The following ATP23 variants were observed in gnomAD, a reference collection of about 807,000 sequenced individuals.
ATP23 encodes the protein ATP23 metallopeptidase and ATP synthase assembly factor homolog.
Under a neutral mutation model 28.5 loss-of-function variants are expected in ATP23, and 24 were observed. The ratio of observed to expected loss-of-function variants is 0.84; its 90% CI spans 0.61 to 1.18. ATP23 has a LOEUF of 1.18. Ranked by LOEUF, ATP23 falls within the 50% of genes most tolerant of loss-of-function variation. ATP23 has a pLI of 0.00. For synonymous variants in ATP23, 99 were observed against 108.6 expected (o/e 0.91, Z 0.55); for missense variants, 274 against 306.4 (o/e 0.89, Z 0.79).
In ATP23 at chr12:57,958,264, A is replaced by G. The variant is rs1412243377; in HGVS notation, c.*1374A>G. ...GGAGAGTCTGAGCTCAGACATGTCT[A>G]TCCCTGCCCCGACCTGATGTTCCTT... On this transcript the variant is annotated 3_prime_UTR_variant, in exon 6 of 6. Transcript: ENST00000300145. Among the ~76,000 whole-genome samples, 1 of 152,116 alleles carries G rather than the reference A, an allele frequency of 6.6e-6. No homozygotes were observed. Among genetic ancestry groups the G allele is most frequent in the Non-Finnish European group, 1.5e-5 (1 of 68,012 alleles).
At chr12:57,953,492 TCAGA>T (rs1054015558) in intron 4 of ATP23, 110 bp from the exon 5 acceptor site, 22 of 854,908 alleles carry the variant, frequency 2.6e-5, no homozygotes, top group Middle Eastern at 6.9e-4. Flanking sequence ...TACTCTTTTC[TCAGA>T]CAAAGATGCT....
intron 5 of ATP23, among the ~76,000 whole-genome samples, chr12:57,956,336 A>T (rs1956866252): frequency 6.6e-6 from 1 of 151,970 alleles, no homozygotes; most frequent in African/African-American, 2.4e-5. Flanking sequence ...TCAAAAAGTC[A>T]ATCAGGACTT....
chr12:57,954,321 T>G (rs1180225781), intron 5 of ATP23, among the ~76,000 whole-genome samples: 1 of 152,212 alleles, frequency 6.6e-6, no homozygotes, highest in Non-Finnish European at 1.5e-5. Context: ...TTGACTTCTA[T>G]TTTGAATCTA....
At chr12:57,956,566 G>T in intron 5 of ATP23, 121 bp from the exon 6 acceptor site, 1 of 832,806 alleles carries the variant, frequency 1.2e-6, no homozygotes, top group South Asian at 2.2e-5. Flanking sequence ...TGGAATGACA[G>T]AAATTAGTAA....
In ATP23 at chr12:57,958,645, G is replaced by A. The variant is rs868861529; in HGVS notation, c.*1755G>A. Among the ~76,000 whole-genome samples the A allele has an allele frequency of 1.3e-5, 2 of 152,190 alleles. No homozygotes were observed. Among genetic ancestry groups the A allele is most frequent in the Non-Finnish European group, 2.9e-5 (2 of 68,028 alleles). Reference sequence around the variant, plus strand: ...ACCCAGAAGAGAGACAACAATCACAGCAGTTTGGCTTACAGGAAGCCACAT... The same window carrying A: ...ACCCAGAAGAGAGACAACAATCACAACAGTTTGGCTTACAGGAAGCCACAT... On this transcript the variant is annotated 3_prime_UTR_variant, in exon 6 of 6. Transcript: ENST00000300145.
rs771795672 is a variant in ATP23, at chr12:57,958,066, C to T, written c.*1176C>T. Among the ~76,000 whole-genome samples, 20 of 152,162 alleles carry T rather than the reference C, an allele frequency of 1.3e-4. No individual in the cohort carries two copies. The highest frequency in any genetic ancestry group is 2.1e-4 in the Non-Finnish European group (14 of 68,026). ...GGGGGCATGGTGGGAGTGAGACTGG[C>T]CCTTCGGCTTGTGTGGGAGCTGGGT... On this transcript the variant is annotated 3_prime_UTR_variant, in exon 6 of 6. Transcript: ENST00000300145.
rs1465955573 is a variant in ATP23 at position 57,958,868 on chromosome 12, T to C, written c.*1978T>C. On this transcript the variant is annotated 3_prime_UTR_variant, in exon 6 of 6. Coordinates refer to ENST00000300145, the MANE Select transcript of ATP23 (RefSeq NM_033276.4). ...AAAAATCACACTAGTTCACCAGCAA[T>C]GGATTCAAACCAAGAAGAAATCCCT... Among the ~76,000 whole-genome samples, 1 of 152,078 alleles carries C rather than the reference T, an allele frequency of 6.6e-6. No homozygotes were observed. The highest frequency in any genetic ancestry group is 2.4e-5 in the African/African-American group (1 of 41,402).
intron 1 of ATP23, among the ~76,000 whole-genome samples, chr12:57,942,239 G>A (rs1956712190): frequency 6.6e-6 from 1 of 152,164 alleles, no homozygotes; most frequent in African/African-American, 2.4e-5. Context: ...GTTAATTAAG[G>A]CACACAAAGG....
In ATP23 at chr12:57,945,522, G is replaced by C. The variant is rs372573690; in HGVS notation, c.188-106G>C. The C allele has an allele frequency of 2.3e-4, 217 of 930,874 alleles. No individual in the cohort carries two copies. In the African/African-American group the frequency reaches 2.7e-3, roughly 11 times the overall value. 57.7% of individuals were successfully genotyped at this position (930,874 alleles called of 1,614,324 possible). On this transcript the variant is annotated intron_variant, in intron 1 of 5. Coordinates refer to ENST00000300145, the MANE Select transcript of ATP23 (RefSeq NM_033276.4). Reference sequence around the variant, plus strand: ...GCTGGGATTACAGGCATGAGCCACTGCATCTGGCCTGTGAGTTACTTTTTG... The same window carrying C: ...GCTGGGATTACAGGCATGAGCCACTCCATCTGGCCTGTGAGTTACTTTTTG...
In ATP23 at chr12:57,944,468, G is replaced by A. The variant is rs1956740521; in HGVS notation, c.188-1160G>A. Reference sequence around the variant, plus strand: ...CCTGTAGTAGTCACGGGCCCATAGAGTCTTAGATGTGGAAGGGCCCTCAGG... The same window carrying A: ...CCTGTAGTAGTCACGGGCCCATAGAATCTTAGATGTGGAAGGGCCCTCAGG... On this transcript the variant is annotated intron_variant, in intron 1 of 5. Coordinates refer to ENST00000300145, the MANE Select transcript of ATP23 (RefSeq NM_033276.4). Among the ~76,000 whole-genome samples the A allele has an allele frequency of 2.0e-5, 3 of 152,314 alleles. No homozygotes were observed. In the South Asian group the frequency reaches 6.2e-4, roughly 32 times the overall value.
chr12:57,953,444 T>TA (rs1956833739), intron 4 of ATP23, among the ~76,000 whole-genome samples, 162 bp from the exon 5 acceptor site: 1 of 152,258 alleles, frequency 6.6e-6, no homozygotes, highest in Non-Finnish European at 1.5e-5. Flanking sequence ...TCGTTGTCAA[T>TA]AGAGTTTAAA....
At chr12:57,949,119 T>G (rs1477469405) in intron 3 of ATP23, among the ~76,000 whole-genome samples, 1 of 152,242 alleles carries the variant, frequency 6.6e-6, no homozygotes, top group East Asian at 1.9e-4. Context: ...GCTATGAATA[T>G]TTTTGACCTT....
chr12:57,949,042 TTG>T (rs773196368), intron 3 of ATP23, among the ~76,000 whole-genome samples: 4 of 152,228 alleles, frequency 2.6e-5, no homozygotes, highest in Non-Finnish European at 5.9e-5. Context: ...ATTTATTCCG[TTG>T]TGTGTTTATA....
intron 5 of ATP23, among the ~76,000 whole-genome samples, chr12:57,955,437 A>G (rs1460581173): frequency 6.6e-6 from 1 of 152,204 alleles, no homozygotes; most frequent in African/African-American, 2.4e-5. Context: ...GGTAGTAGGA[A>G]TCTGGCTGAG....
At chr12:57,949,676 G>A (rs376716696) in intron 3 of ATP23, 1 of 152,150 alleles carries the variant, frequency 6.6e-6, no homozygotes, top group African/African-American at 2.4e-5. Context: ...AAAATTTTTT[G>A]TAGAGATGAG....
At chr12:57,948,546 C>T (rs1956785224) in intron 3 of ATP23, among the ~76,000 whole-genome samples, 1 of 152,152 alleles carries the variant, frequency 6.6e-6, no homozygotes, top group Admixed American at 6.5e-5. Context: ...GCCTCCCAAA[C>T]TGCTAGGATT....
At chr12:57,947,097 GTTTCC>G in intron 3 of ATP23, 21 bp downstream of exon 3, 1 of 1,608,452 alleles carries the variant, frequency 6.2e-7, no homozygotes, top group Non-Finnish European at 8.5e-7. Flanking sequence ...TTGCCAAATT[GTTTCC>G]TTCCCTTTAA....
chr12:57,950,245 G>A (rs2140534623), intron 3 of ATP23, among the ~76,000 whole-genome samples: 1 of 152,204 alleles, frequency 6.6e-6, no homozygotes, highest in Non-Finnish European at 1.5e-5. Context: ...TAAAGACAAG[G>A]TCTTCAGGGA....
At chr12:57,949,202 T>C (rs1398460060) in intron 3 of ATP23, among the ~76,000 whole-genome samples, 2 of 152,260 alleles carry the variant, frequency 1.3e-5, no homozygotes, top group East Asian at 3.8e-4. Flanking sequence ...GTCATATAGT[T>C]TGTATACACT....
Sources: gnomAD v4.1 joint callset for allele counts (sites outside exome capture counted in the v4.1 genomes callset) on GRCh38, gnomAD v4.1.1 for gene constraint, MANE v1.5 for transcripts, NCBI Gene and HGNC (gene_info 2026-07-23, HGNC 2026-07-21) for gene names.